TTC7A: variants seen among roughly 807,000 people sequenced by gnomAD.
TTC7A encodes tetratricopeptide repeat protein 7A.
Under a neutral mutation model 103.7 loss-of-function variants are expected in TTC7A, and 110 were observed. The ratio of observed to expected loss-of-function variants is 1.06; its 90% CI spans 0.91 to 1.24. The LOEUF (loss-of-function observed/expected upper bound fraction) is 1.24. TTC7A is among the 50% of genes most tolerant of loss of function. The pLI is 0.00. For missense variants in TTC7A, 1,340 were observed against 1,116.3 expected, an observed-to-expected ratio of 1.20 and a Z score of -2.86; for synonymous variants, 521 against 467.9, an observed-to-expected ratio of 1.11 and a Z score of -1.47.
intron 3 of TTC7A, among the ~76,000 whole-genome samples, chr2:46,971,761 C>G (rs777882625): frequency 8.5e-5 from 13 of 152,142 alleles, no homozygotes; most frequent in Non-Finnish European, 8.8e-5. Flanking sequence ...CATTATACAT[C>G]TCTTCAGTAA....
chr2:46,951,770 G>T (rs947644185), intron 2 of TTC7A: 4 of 419,268 alleles, frequency 9.5e-6, no homozygotes, highest in Admixed American at 7.6e-5. Context: ...TTATTCCAAC[G>T]TACTGTGTGC....
chr2:47,022,630 T>A (rs1558589662), intron 12 of TTC7A, among the ~76,000 whole-genome samples: 1 of 151,782 alleles, frequency 6.6e-6, no homozygotes, highest in African/African-American at 2.4e-5. Context: ...AAACCTGGAA[T>A]AGTAATCAGC....
intron 8 of TTC7A, among the ~76,000 whole-genome samples, chr2:47,004,826 G>C (rs936552333): frequency 6.6e-6 from 1 of 152,030 alleles, no homozygotes; most frequent in African/African-American, 2.4e-5. Context: ...GTGGCTGCTT[G>C]GAGGCCCCCA....
At chr2:47,073,287 G>C (rs773599232) in intron 19 of TTC7A, among the ~76,000 whole-genome samples, 1 of 152,174 alleles carries the variant, frequency 6.6e-6, no homozygotes, top group African/African-American at 2.4e-5. Flanking sequence ...ACTTCTCAGA[G>C]CTTTACACCT....
At chr2:47,072,447 T>A (rs964976960) in intron 19 of TTC7A, among the ~76,000 whole-genome samples, 1 of 152,220 alleles carries the variant, frequency 6.6e-6, no homozygotes, top group Non-Finnish European at 1.5e-5. Context: ...CCCACCGAAC[T>A]GGTTGTGTTC....
chr2:47,003,728 A>T (rs1489881106), intron 8 of TTC7A, among the ~76,000 whole-genome samples: 2 of 151,998 alleles, frequency 1.3e-5, no homozygotes, highest in East Asian at 1.9e-4. Context: ...CCACTCGGGG[A>T]TGTGCATCCT....
intron 11 of TTC7A, 57 bp downstream of exon 11, chr2:47,011,492 C>A: frequency 7.1e-7 from 1 of 1,408,672 alleles, no homozygotes; most frequent in Non-Finnish European, 9.8e-7. Context: ...GTGGCAGCAG[C>A]TGGCTGTGCA....
intron 4 of TTC7A, among the ~76,000 whole-genome samples, chr2:46,977,259 C>T (rs1673972467): frequency 6.6e-6 from 1 of 152,326 alleles, no homozygotes; most frequent in Non-Finnish European, 1.5e-5. Context: ...TGAGGGAGGG[C>T]AGGCCACAGA....
At chr2:46,965,179 G>C (rs562723064) in intron 3 of TTC7A, among the ~76,000 whole-genome samples, 1 of 152,190 alleles carries the variant, frequency 6.6e-6, no homozygotes, top group African/African-American at 2.4e-5. Flanking sequence ...TTCTCTTTTG[G>C]TCAGTGCAAC....
intron 10 of TTC7A, among the ~76,000 whole-genome samples, chr2:47,009,506 T>C (rs777364983): frequency 3.3e-5 from 5 of 151,996 alleles, no homozygotes; most frequent in Non-Finnish European, 5.9e-5. Flanking sequence ...GGGAAATCTA[T>C]CACGTCTGGG....
intron 3 of TTC7A, among the ~76,000 whole-genome samples, chr2:46,958,300 C>G (rs2104032354): frequency 6.6e-6 from 1 of 152,364 alleles, no homozygotes; most frequent in East Asian, 1.9e-4. Context: ...TCATCCCCCG[C>G]TCTGCGCCTC....
At chr2:47,037,801 C>T (rs529947934) in intron 15 of TTC7A, among the ~76,000 whole-genome samples, 9 of 152,284 alleles carry the variant, frequency 5.9e-5, no homozygotes, top group East Asian at 3.9e-4. Context: ...AGCACCTGCA[C>T]GTAATGGGGA....
rs151242697 is a variant in TTC7A at position 46,965,730 on chromosome 2, T to G, written c.517+8723T>G. On this transcript the variant is annotated intron_variant, in intron 3 of 19. Coordinates refer to ENST00000319190, the MANE Select transcript of TTC7A (RefSeq NM_020458.4). ...GCACGTACTACCATACCCTGCTAATTTTTTGTATTTTCAGTAGAGATGGGG... is the reference window on the plus strand; with the variant it reads ...GCACGTACTACCATACCCTGCTAATGTTTTGTATTTTCAGTAGAGATGGGG... 6.0e-3 allele frequency among the ~76,000 whole-genome samples: 913 copies of G among 151,982 alleles called. 10 individuals carry two copies. The highest frequency in any genetic ancestry group is 0.021 in the African/African-American group (850 of 41,432).
At chr2:46,975,420 C>T (rs1673780912) in intron 4 of TTC7A, among the ~76,000 whole-genome samples, 2 of 151,830 alleles carry the variant, frequency 1.3e-5, no homozygotes, top group Non-Finnish European at 2.9e-5. Context: ...CTGGGTCTTG[C>T]AGTTGGACAT....
chr2:46,972,551 C>T (rs1181670840), intron 3 of TTC7A, among the ~76,000 whole-genome samples: 1 of 152,184 alleles, frequency 6.6e-6, no homozygotes, highest in African/African-American at 2.4e-5. Context: ...AATTCTAAGA[C>T]TGGTTTTTAT....
chr2:46,928,254 C>A (rs560235945), intron 2 of TTC7A, among the ~76,000 whole-genome samples: 1 of 151,714 alleles, frequency 6.6e-6, no homozygotes, highest in South Asian at 2.1e-4. Context: ...AAAATAACAC[C>A]CATTTATCAT....
At chr2:46,954,734 G>C (rs1228511971) in intron 2 of TTC7A, among the ~76,000 whole-genome samples, 1 of 151,922 alleles carries the variant, frequency 6.6e-6, no homozygotes, top group Non-Finnish European at 1.5e-5. Flanking sequence ...ACCACGCCCG[G>C]ATAATTTTTG....
chr2:46,932,707 T>C (rs1448021733), intron 2 of TTC7A, among the ~76,000 whole-genome samples: 1 of 151,606 alleles, frequency 6.6e-6, no homozygotes, highest in Non-Finnish European at 1.5e-5. Flanking sequence ...TCGAGACCAG[T>C]TTGGCCAACA....
In TTC7A at chr2:47,007,997, G is replaced by T. The variant is rs1258647819; in HGVS notation, c.1287+1273G>T. On this transcript the variant is annotated intron_variant, in intron 10 of 19. Transcript: ENST00000319190. This position sits in a 1 kb window ranked among gnomAD's most constrained non-coding sequence, Gnocchi z 4.9. ...GAGACAATGTGGGCAACGGTGAAGGGGCTGGAAAAGACGAGCTGGCCGTGG... is the reference window on the plus strand; with the variant it reads ...GAGACAATGTGGGCAACGGTGAAGGTGCTGGAAAAGACGAGCTGGCCGTGG... Among the ~76,000 whole-genome samples, 7 of 152,332 alleles carry T rather than the reference G, an allele frequency of 4.6e-5. No homozygotes were observed. Among genetic ancestry groups the T allele is most frequent in the Non-Finnish European group, 1.0e-4 (7 of 68,028 alleles).
Sources: allele counts gnomAD v4.1 joint callset (sites outside exome capture counted in the v4.1 genomes callset), GRCh38; gene constraint gnomAD v4.1.1; non-coding constraint Gnocchi (gnomAD v3.1); transcripts MANE v1.5; gene names NCBI Gene and HGNC (gene_info 2026-07-23, HGNC 2026-07-21).